DOK5: variants seen among roughly 807,000 people sequenced by gnomAD.
The protein encoded by DOK5 is downstream of tyrosine kinase 5.
DOK5 carries 27 observed loss-of-function variants against 43.3 expected under a neutral mutation model. The ratio of observed to expected loss-of-function variants is 0.62; its 90% CI spans 0.46 to 0.86. DOK5 has a LOEUF of 0.86. Among genes scored for constraint, DOK5 ranks in the 40% least tolerant of loss-of-function variants. The probability of loss-of-function intolerance (pLI) is 0.00; values close to 1 mark genes in which losing one functional copy is unlikely to be tolerated. For synonymous variants in DOK5, 146 were observed against 140.1 expected, an observed-to-expected ratio of 1.04 and a Z score of -0.30; for missense variants, 373 against 392.9, an observed-to-expected ratio of 0.95 and a Z score of 0.43.
chr20:54,637,994 C>T (rs1184462555), intron 6 of DOK5, among the ~76,000 whole-genome samples: 17 of 152,180 alleles, frequency 1.1e-4, no homozygotes, highest in Non-Finnish European at 1.5e-4. Flanking sequence ...TGGTGGCGGG[C>T]ACCTGTAGTC....
chr20:54,575,000 G>A (rs1985409321), intron 2 of DOK5, among the ~76,000 whole-genome samples: 1 of 152,192 alleles, frequency 6.6e-6, no homozygotes. Flanking sequence ...GATGCCATGT[G>A]AAGTCCTCAA....
At chr20:54,476,142 G>C in intron 1 of DOK5, 130 bp downstream of exon 1, 1 of 1,533,648 alleles carries the variant, frequency 6.5e-7, no homozygotes, top group Non-Finnish European at 8.8e-7. Flanking sequence ...TTTCTCAGCC[G>C]AAACCCGCGT....
rs141613335 is a variant in DOK5 at position 54,488,199 on chromosome 20, C to T, written c.66+12187C>T. Among the ~76,000 whole-genome samples, 209 of 152,294 alleles carry T rather than the reference C, an allele frequency of 1.4e-3. 1 individual carries two copies. Among genetic ancestry groups the T allele is most frequent in the African/African-American group, 4.3e-3 (179 of 41,564 alleles). ...CCTCAAATCTGGAAGTTATCACGAA[C>T]GTAGTCTAGTCTTCAGCATCCATTA... On this transcript the variant is annotated intron_variant, in intron 1 of 7. Coordinates refer to ENST00000262593, the MANE Select transcript of DOK5 (RefSeq NM_018431.5).
At chr20:54,480,991 CATCT>C (rs147329351) in intron 1 of DOK5, among the ~76,000 whole-genome samples, 49 of 143,120 alleles carry the variant, frequency 3.4e-4, no homozygotes, top group African/African-American at 1.3e-3. Flanking sequence ...TATCATCTAT[CATCT>C]ATCTATCATC....
intron 1 of DOK5, among the ~76,000 whole-genome samples, chr20:54,524,061 G>GT (rs142139933): frequency 0.039 from 6,011 of 152,186 alleles, 162 homozygotes; most frequent in African/African-American, 0.063. Context: ...GGTTCACTCT[G>GT]TTCACCTCTC....
chr20:54,485,405 G>A (rs1287177194), intron 1 of DOK5, among the ~76,000 whole-genome samples: 1 of 151,554 alleles, frequency 6.6e-6, no homozygotes, highest in Non-Finnish European at 1.5e-5. Context: ...AGTATGTAAT[G>A]TTTGGGGATT....
chr20:54,640,128 A>G (rs955592536), intron 6 of DOK5, among the ~76,000 whole-genome samples: 9 of 152,298 alleles, frequency 5.9e-5, no homozygotes, highest in East Asian at 1.9e-4. Flanking sequence ...TATGAAAGGA[A>G]AGCGGAGGAC....
At chr20:54,491,976 G>C (rs2146668884) in intron 1 of DOK5, among the ~76,000 whole-genome samples, 1 of 151,846 alleles carries the variant, frequency 6.6e-6, no homozygotes, top group African/African-American at 2.4e-5. Flanking sequence ...GAAAAAGAAA[G>C]AAAGACAAAG....
chr20:54,478,751 C>A (rs1242096992), intron 1 of DOK5, among the ~76,000 whole-genome samples: 4 of 152,138 alleles, frequency 2.6e-5, no homozygotes, highest in Admixed American at 1.3e-4. Flanking sequence ...ACAATGAACA[C>A]TATTTAATGT....
rs148954239 is a variant in DOK5 at position 54,552,216 on chromosome 20, AT to A, written c.67-2708del. ...ACGATCCAGAGAAAACGTTGTTAAC[AT>A]TTTTTTTTGTCTTTTTCCAATGCAT... On this transcript the variant is annotated intron_variant, in intron 1 of 7. Coordinates refer to ENST00000262593, the MANE Select transcript of DOK5 (RefSeq NM_018431.5). Among the ~76,000 whole-genome samples the A allele has an allele frequency of 7.3e-4, 111 of 151,406 alleles. No homozygotes were observed. In the East Asian group the frequency reaches 7.8e-3, roughly 11 times the overall value.
chr20:54,531,297 T>C (rs967343339), intron 1 of DOK5, among the ~76,000 whole-genome samples: 2 of 152,204 alleles, frequency 1.3e-5, no homozygotes, highest in Non-Finnish European at 2.9e-5. Context: ...ATTTCAATTT[T>C]AGTCATAGAA....
intron 1 of DOK5, among the ~76,000 whole-genome samples, chr20:54,543,543 G>C (rs1050057385): frequency 2.4e-5 from 3 of 125,006 alleles, no homozygotes; most frequent in Admixed American, 8.0e-5. Context: ...TAGAATTGCT[G>C]TGTGTGTGTG....
intron 1 of DOK5, among the ~76,000 whole-genome samples, chr20:54,554,587 T>C (rs1984648010): frequency 6.6e-6 from 1 of 152,244 alleles, no homozygotes; most frequent in African/African-American, 2.4e-5. Flanking sequence ...TCAGATTTAA[T>C]TGCACTTGAA....
intron 2 of DOK5, among the ~76,000 whole-genome samples, chr20:54,566,721 A>T (rs1398436983): frequency 1.3e-5 from 2 of 152,060 alleles, no homozygotes; most frequent in Non-Finnish European, 2.9e-5. Flanking sequence ...GCCTCAAGAG[A>T]TCCTCTCACT....
chr20:54,627,076 A>G (rs1288127840), intron 6 of DOK5, among the ~76,000 whole-genome samples: 2 of 152,198 alleles, frequency 1.3e-5, no homozygotes, highest in Non-Finnish European at 2.9e-5. Flanking sequence ...GCTGCATGAT[A>G]TTTCAGAGTC....
intron 1 of DOK5, among the ~76,000 whole-genome samples, chr20:54,500,774 T>C (rs1982564764): frequency 6.6e-6 from 1 of 152,088 alleles, no homozygotes; most frequent in Non-Finnish European, 1.5e-5. Flanking sequence ...TTGGTCAGGC[T>C]GGTCTCGAAC....
chr20:54,489,330 C>T (rs1016999527), intron 1 of DOK5, among the ~76,000 whole-genome samples: 9 of 152,100 alleles, frequency 5.9e-5, no homozygotes, highest in African/African-American at 2.2e-4. Flanking sequence ...AGAATCATCT[C>T]GTTCCCTTTT....
At chr20:54,593,101 C>A (rs1335209195) in intron 5 of DOK5, among the ~76,000 whole-genome samples, 1 of 151,946 alleles carries the variant, frequency 6.6e-6, no homozygotes, top group Non-Finnish European at 1.5e-5. Flanking sequence ...TTTTAATGAA[C>A]AAAGCCCAAT....
intron 2 of DOK5, among the ~76,000 whole-genome samples, chr20:54,565,284 A>G (rs1202786573): frequency 6.6e-6 from 1 of 152,236 alleles, no homozygotes; most frequent in African/African-American, 2.4e-5. Flanking sequence ...ATAATAAAAT[A>G]GAACAATTAT....
Sources: gnomAD v4.1 joint callset for allele counts (sites outside exome capture counted in the v4.1 genomes callset) on GRCh38, gnomAD v4.1.1 for gene constraint, MANE v1.5 for transcripts, NCBI Gene and HGNC (gene_info 2026-07-23, HGNC 2026-07-21) for gene names.